PCDHGA4: variants seen among roughly 807,000 people sequenced by gnomAD.
The protein encoded by PCDHGA4 is protocadherin gamma-A4.
Under a neutral mutation model 54.6 loss-of-function variants are expected in PCDHGA4, and 38 were observed. The observed-to-expected ratio is 0.70, with a 90% CI of 0.54 to 0.91. The LOEUF (loss-of-function observed/expected upper bound fraction) is 0.91, where lower values mean the gene tolerates loss of function less well. Ranked by LOEUF, PCDHGA4 falls within the 40% of genes least tolerant of loss-of-function variation. PCDHGA4 has a pLI of 0.00. For synonymous variants in PCDHGA4, 511 were observed against 512.9 expected (o/e 1.00, Z 0.05); for missense variants, 1,298 against 1,220.9 (o/e 1.06, Z -0.94).
chr5:141,394,778 C>A (rs377451053), intron 1 of PCDHGA4: 82 of 1,613,634 alleles, frequency 5.1e-5, no homozygotes, highest in Admixed American at 3.7e-4. Context: ...CCCCTCTCTC[C>A]GCCACTGTCA....
At chr5:141,442,848 T>C (rs1210778801) in intron 1 of PCDHGA4, among the ~76,000 whole-genome samples, 2 of 152,236 alleles carry the variant, frequency 1.3e-5, no homozygotes, top group Non-Finnish European at 2.9e-5. Context: ...ATCTTGGCCA[T>C]TGTAGTATGA....
chr5:141,481,181 G>C (rs1364223040), intron 1 of PCDHGA4, among the ~76,000 whole-genome samples: 1 of 152,154 alleles, frequency 6.6e-6, no homozygotes, highest in Non-Finnish European at 1.5e-5. Context: ...CAGCTTTATT[G>C]GGCCAGGCCC....
At chr5:141,386,183 A>G (rs201653759) in intron 1 of PCDHGA4, among the ~76,000 whole-genome samples, 1 of 152,230 alleles carries the variant, frequency 6.6e-6, no homozygotes, top group East Asian at 1.9e-4. Context: ...CATCTTATGT[A>G]CACAGATCCT....
chr5:141,359,582 T>A (rs936451476), intron 1 of PCDHGA4, among the ~76,000 whole-genome samples: 2 of 151,660 alleles, frequency 1.3e-5, no homozygotes, highest in African/African-American at 4.9e-5. Context: ...CTTTAAGATA[T>A]AACAACTAAA....
intron 3 of PCDHGA4, among the ~76,000 whole-genome samples, chr5:141,510,741 C>A (rs11953770): frequency 1.3e-5 from 2 of 152,138 alleles, no homozygotes; most frequent in Non-Finnish European, 1.5e-5. Context: ...GGAATCAAAC[C>A]TAGACTTTCT....
At chr5:141,374,976 C>T (rs774690686) in intron 1 of PCDHGA4, 1 of 1,614,016 alleles carries the variant, frequency 6.2e-7, no homozygotes, top group South Asian at 1.1e-5. Context: ...AATGTTTTGA[C>T]TGGAGAAATT....
Position 141,493,858 on chromosome 5 carries a change from C to A in PCDHGA4, c.2515-949C>A, listed in dbSNP as rs2099750481. Among the ~76,000 whole-genome samples, 1 of 152,184 alleles carries A rather than the reference C, an allele frequency of 6.6e-6. No homozygotes were observed. The highest frequency in any genetic ancestry group is 1.5e-5 in the Non-Finnish European group (1 of 68,030). On this transcript the variant is annotated intron_variant, in intron 1 of 3. Transcript: ENST00000571252. The surrounding 1 kb of genome is among the most constrained non-coding windows in gnomAD (Gnocchi z 4.3). ...AGTATGAGTATTAATTACCAGCCCA[C>A]CCCAGAACCAGTGAGGAGGTGGCTC...
Position 141,490,179 on chromosome 5 carries a change from A to G in PCDHGA4, c.2515-4628A>G. On this transcript the variant is annotated intron_variant, in intron 1 of 3. Transcript: ENST00000571252. This position sits in a 1 kb window ranked among gnomAD's most constrained non-coding sequence, Gnocchi z 5.4. Reference sequence around the variant, plus strand: ...TGGGTCCCATAGACTTTGAGGAGTCACGTTTCTATGAAATTCATGCAAGAG... The same window carrying G: ...TGGGTCCCATAGACTTTGAGGAGTCGCGTTTCTATGAAATTCATGCAAGAG... 1 of 1,614,202 alleles carries G rather than the reference A, an allele frequency of 6.2e-7. No individual in the cohort carries two copies. Among genetic ancestry groups the G allele is most frequent in the East Asian group, 2.2e-5 (1 of 44,882 alleles).
In PCDHGA4 at chr5:141,356,329, G is replaced by A. The variant is rs1371639512; in HGVS notation, c.1222G>A (p.Gly408Arg). 2.6e-6 allele frequency: 4 copies of A among 1,554,226 alleles called. No homozygotes were observed. Among genetic ancestry groups the A allele is most frequent in the Admixed American group, 2.0e-5 (1 of 51,120 alleles). The change falls in exon 1 of 4, where the codon GGA (glycine) becomes AGA (arginine). Residue 408 changes from glycine (G) to arginine (R), a missense_variant. Transcript: ENST00000571252. Reference protein sequence around the residue: ...ALFNVHDSDSGGNGLVTCSIP... With the variant: ...ALFNVHDSDSRGNGLVTCSIP... ...TTTCAACGTGCATGACAGTGACTCA[G>A]GAGGAAATGGCCTAGTCACATGTTC... is the stretch of plus-strand genomic sequence containing the variant.
At chr5:141,496,329 C>T (rs1435070517) in intron 2 of PCDHGA4, among the ~76,000 whole-genome samples, 2 of 152,186 alleles carry the variant, frequency 1.3e-5, no homozygotes, top group South Asian at 4.1e-4. Context: ...AGTTAGAAGT[C>T]AGGAGCCTGG....
rs1561509315 is a variant in PCDHGA4 at position 141,355,608 on chromosome 5, A to G, written c.501A>G (p.Glu167=). 1.2e-6 allele frequency: 2 copies of G among 1,613,982 alleles called. No individual in the cohort carries two copies. The highest frequency in any genetic ancestry group is 1.7e-6 in the Non-Finnish European group (2 of 1,179,866). ...VNDNPPSFGT[E]QREIKVAENE... ...ATAACCCACCCAGTTTTGGGACAGA[A>G]CAGAGGGAAATAAAAGTTGCTGAAA... Residue 167 remains glutamate, a synonymous_variant, in exon 1 of 4, where the codon GAA becomes GAG. Coordinates refer to ENST00000571252, the MANE Select transcript of PCDHGA4 (RefSeq NM_018917.4).
chr5:141,489,284 T>A lies in PCDHGA4; in HGVS notation c.2515-5523T>A. On this transcript the variant is annotated intron_variant, in intron 1 of 3. Transcript: ENST00000571252. This position sits in a 1 kb window ranked among gnomAD's most constrained non-coding sequence, Gnocchi z 4.5. ...CCACAGCTCGCTGGGAAATGGCAAG[T>A]GCTGTGCATGTTGTCCTTGTGCTGC... The A allele has an allele frequency of 6.4e-7, 1 of 1,570,016 alleles. No homozygotes were observed. The highest frequency in any genetic ancestry group is 2.2e-5 in the East Asian group (1 of 44,588).
intron 1 of PCDHGA4, chr5:141,370,671 G>T (rs1767112872): frequency 2.5e-6 from 4 of 1,613,888 alleles, no homozygotes; most frequent in Non-Finnish European, 3.4e-6. Context: ...TATAGACCGA[G>T]AGGAGATTTG....
chr5:141,465,501 C>T (rs1044567555), intron 1 of PCDHGA4, among the ~76,000 whole-genome samples: 1 of 152,164 alleles, frequency 6.6e-6, no homozygotes, highest in Non-Finnish European at 1.5e-5. Context: ...GGAGCATTGT[C>T]GTGGTCAGGA....
rs1356739313 is a variant in PCDHGA4, at chr5:141,490,444, A to T, written c.2515-4363A>T. The T allele has an allele frequency of 6.2e-7, 1 of 1,614,194 alleles. No individual in the cohort carries two copies. Among genetic ancestry groups the T allele is most frequent in the Non-Finnish European group, 8.5e-7 (1 of 1,180,034 alleles). On this transcript the variant is annotated intron_variant, in intron 1 of 3. Transcript: ENST00000571252. The surrounding 1 kb of genome is among the most constrained non-coding windows in gnomAD (Gnocchi z 5.4). ...GCCATTTCAGATTAAGCCTTCTGAG[A>T]ACCACTACTCGCTGCTAACCAGCCA...
rs56854727 is a variant in PCDHGA4, at chr5:141,438,635, TACACACAC to T, written c.2515-56162_2515-56155del. ...ATATATATATATATATATATATATA[TACACACAC>T]ACACACACATATATGTATATATATA... On this transcript the variant is annotated intron_variant, in intron 1 of 3. Transcript: ENST00000571252. Among the ~76,000 whole-genome samples, 72 of 33,376 alleles carry T rather than the reference TACACACAC, an allele frequency of 2.2e-3. 1 individual carries two copies. Among genetic ancestry groups the T allele is most frequent in the Non-Finnish European group, 3.0e-3 (57 of 18,970 alleles). The allele number at this position is 33,376 out of a possible 152,430, so 21.9% of individuals were successfully genotyped here.
rs548016343 is a variant in PCDHGA4, at chr5:141,369,768, A to G, written c.2514+12147A>G. Among the ~76,000 whole-genome samples the G allele has an allele frequency of 7.2e-5, 11 of 152,370 alleles. No individual in the cohort carries two copies. The East Asian group carries it at 1.9e-3, about 27-fold the overall frequency. ...TGCAATAAGAATACACGTGAAGCTG[A>G]TATTTCAAGCCTCTTTATACTACGT... is the stretch of plus-strand genomic sequence containing the variant. On this transcript the variant is annotated intron_variant, in intron 1 of 3. Coordinates refer to ENST00000571252, the MANE Select transcript of PCDHGA4 (RefSeq NM_018917.4).
chr5:141,398,597 C>A (rs986852077), intron 1 of PCDHGA4: 4 of 1,614,006 alleles, frequency 2.5e-6, no homozygotes, highest in Non-Finnish European at 3.4e-6. Flanking sequence ...CTAGAAGTAG[C>A]AGAAGATGCA....
Position 141,361,130 on chromosome 5 carries a change from GT to G in PCDHGA4, c.2514+3510del, listed in dbSNP as rs780553353. On this transcript the variant is annotated intron_variant, in intron 1 of 3. Coordinates refer to ENST00000571252, the MANE Select transcript of PCDHGA4 (RefSeq NM_018917.4). ...CCTGGAGATCTAGCAGCCCACTGCA[GT>G]ATCCAAGTTGAAATTCTTGATGACA... The G allele has an allele frequency of 1.2e-4, 192 of 1,613,888 alleles. 1 individual carries two copies. The Admixed American group carries it at 3.2e-3, about 27-fold the overall frequency.
Sources: allele counts gnomAD v4.1 joint callset (sites outside exome capture counted in the v4.1 genomes callset), GRCh38; gene constraint gnomAD v4.1.1; non-coding constraint Gnocchi (gnomAD v3.1); transcripts MANE v1.5; gene names NCBI Gene and HGNC (gene_info 2026-07-23, HGNC 2026-07-21).